The following THRB variants were observed in gnomAD, a reference collection of about 807,000 sequenced individuals.
THRB encodes nuclear receptor subfamily 1 group A member 2.
A neutral mutation model predicts 47.8 loss-of-function variants in THRB; 12 were observed. The observed-to-expected ratio is 0.25, with a 90% confidence interval of 0.16 to 0.41. The LOEUF (loss-of-function observed/expected upper bound fraction) is 0.41, where lower values mean the gene tolerates loss of function less well. THRB is among the 10% of genes least tolerant of loss of function. THRB has a pLI of 1.00. For missense variants in THRB, 348 were observed against 589.2 expected (o/e 0.59, Z 4.24); for synonymous variants, 218 against 212.2 (o/e 1.03, Z -0.24).
chr3:24,417,774 T>C (rs1484175424), intron 1 of THRB, among the ~76,000 whole-genome samples: 2 of 151,938 alleles, frequency 1.3e-5, no homozygotes, highest in African/African-American at 4.8e-5. Context: ...GCCAGCACTT[T>C]ATATTTGTTT....
intron 1 of THRB, among the ~76,000 whole-genome samples, chr3:24,474,983 C>A (rs1263702012): frequency 6.6e-6 from 1 of 152,206 alleles, no homozygotes; most frequent in African/African-American, 2.4e-5. Context: ...TTACGTGTAT[C>A]ATAAATCACA....
At chr3:24,139,285 T>G (rs866090210) in intron 8 of THRB, among the ~76,000 whole-genome samples, 21 of 152,218 alleles carry the variant, frequency 1.4e-4, no homozygotes, top group Admixed American at 2.6e-4. Flanking sequence ...AGTTCCTCAT[T>G]TGCCAAAGAC....
intron 1 of THRB, among the ~76,000 whole-genome samples, chr3:24,368,741 G>A (rs1444955729): frequency 2.0e-5 from 3 of 152,100 alleles, no homozygotes; most frequent in African/African-American, 7.2e-5. Context: ...GCAATAGCCA[G>A]AAAGAATAGG....
intron 2 of THRB, among the ~76,000 whole-genome samples, chr3:24,326,078 C>A (rs2058786201): frequency 6.6e-6 from 1 of 152,304 alleles, no homozygotes; most frequent in Non-Finnish European, 1.5e-5. Flanking sequence ...CCACCATCAT[C>A]TTTTGCTCTT....
At chr3:24,236,149 A>T (rs2048850496) in intron 3 of THRB, among the ~76,000 whole-genome samples, 1 of 151,584 alleles carries the variant, frequency 6.6e-6, no homozygotes, top group Non-Finnish European at 1.5e-5. Flanking sequence ...CCCTCATAGG[A>T]GGAGAGGGAG....
intron 4 of THRB, among the ~76,000 whole-genome samples, chr3:24,208,342 AAAC>A (rs1175775413): frequency 1.3e-5 from 2 of 152,342 alleles, no homozygotes; most frequent in Non-Finnish European, 2.9e-5. Flanking sequence ...GAATTGGAAA[AAAC>A]TACTTTAAAG....
intron 1 of THRB, among the ~76,000 whole-genome samples, chr3:24,338,537 C>T (rs1360963505): frequency 6.6e-6 from 1 of 152,188 alleles, no homozygotes; most frequent in Non-Finnish European, 1.5e-5. Flanking sequence ...TAAATACATA[C>T]TCAGTTGTTG....
chr3:24,385,414 C>T (rs1409786131), intron 1 of THRB, among the ~76,000 whole-genome samples: 1 of 138,588 alleles, frequency 7.2e-6, no homozygotes, highest in African/African-American at 2.6e-5. Context: ...CACACACATA[C>T]ACACACACAC....
chr3:24,189,978 A>G, intron 5 of THRB, 96 bp downstream of exon 5: 2 of 1,241,060 alleles, frequency 1.6e-6, no homozygotes, highest in Non-Finnish European at 1.2e-6. Context: ...GACACCATAC[A>G]TTGGAAGAGA....
chr3:24,406,482 G>C (rs1197445840), intron 1 of THRB, among the ~76,000 whole-genome samples: 1 of 151,622 alleles, frequency 6.6e-6, no homozygotes, highest in Non-Finnish European at 1.5e-5. Context: ...ATCCGCTCTT[G>C]TGGTCATGGT....
In THRB at chr3:24,272,347, A is replaced by AAACAACAACAACAACAACAAC. The variant is rs35975177; in HGVS notation, c.-43+24858_-43+24878dup. 3.7e-3 allele frequency among the ~76,000 whole-genome samples: 560 copies of AAACAACAACAACAACAACAAC among 149,866 alleles called. 7 individuals carry two copies. Among genetic ancestry groups the AAACAACAACAACAACAACAAC allele is most frequent in the African/African-American group, 0.013 (522 of 40,682 alleles). ...GGTGACAGAGTAAGACTCTCTCTCAAAACAACAACAACAACAACAACAACA... is the reference window on the plus strand; with the variant it reads ...GGTGACAGAGTAAGACTCTCTCTCAAAACAACAACAACAACAACAACAACAACAACAACAACAACAACAACA... On this transcript the variant is annotated intron_variant, in intron 3 of 10. Coordinates refer to ENST00000646209, the MANE Select transcript of THRB (RefSeq NM_001354712.2).
chr3:24,134,140 T>C (rs1229928213), intron 8 of THRB, among the ~76,000 whole-genome samples: 3 of 152,196 alleles, frequency 2.0e-5, no homozygotes, highest in African/African-American at 7.2e-5. Context: ...ATCCATGGCC[T>C]TGTTGCTCAA....
chr3:24,139,579 T>TC (rs1218735034), intron 8 of THRB, among the ~76,000 whole-genome samples: 6 of 151,902 alleles, frequency 3.9e-5, no homozygotes, highest in African/African-American at 1.5e-4. Context: ...AGAGATGGAG[T>TC]CTCGCTATGT....
intron 1 of THRB, among the ~76,000 whole-genome samples, chr3:24,403,659 G>A (rs2067602352): frequency 6.6e-6 from 1 of 151,918 alleles, no homozygotes; most frequent in Admixed American, 6.6e-5. Flanking sequence ...AACAAAATAA[G>A]CCAGTTCCAC....
At chr3:24,256,788 G>A (rs532092248) in intron 3 of THRB, among the ~76,000 whole-genome samples, 25 of 152,294 alleles carry the variant, frequency 1.6e-4, no homozygotes, top group Admixed American at 8.5e-4. Context: ...TTTGATGAGA[G>A]CAAGGGAGGA....
Position 24,134,276 on chromosome 3 carries a change from G to T in THRB, c.739-814C>A, listed in dbSNP as rs1296306342. Among the ~76,000 whole-genome samples, 3 of 152,106 alleles carry T rather than the reference G, an allele frequency of 2.0e-5. No homozygotes were observed. In the East Asian group the frequency reaches 5.8e-4, roughly 29 times the overall value. On this transcript the variant is annotated intron_variant, in intron 8 of 10. Transcript: ENST00000646209. Reference sequence around the variant, plus strand: ...ACTTATATGCTTCCCAACGTCCACAGTAGCCATCTGACTCCTGAGTTTCTC... The same window carrying T: ...ACTTATATGCTTCCCAACGTCCACATTAGCCATCTGACTCCTGAGTTTCTC...
intron 2 of THRB, among the ~76,000 whole-genome samples, chr3:24,301,620 C>T (rs951429504): frequency 6.6e-6 from 1 of 152,140 alleles, no homozygotes; most frequent in African/African-American, 2.4e-5. Flanking sequence ...ATAAACATTT[C>T]CCTGACACTT....
chr3:24,291,643 A>G (rs1258105289), intron 3 of THRB, among the ~76,000 whole-genome samples: 1 of 152,310 alleles, frequency 6.6e-6, no homozygotes, highest in South Asian at 2.1e-4. Context: ...AGGTTTATAC[A>G]TGTTTAGTAT....
At chr3:24,195,291 G>C (rs1391540144) in intron 4 of THRB, among the ~76,000 whole-genome samples, 2 of 152,118 alleles carry the variant, frequency 1.3e-5, no homozygotes, top group Admixed American at 6.5e-5. Flanking sequence ...AACTGACAAG[G>C]AACCTAAAAT....
Sources: allele counts gnomAD v4.1 joint callset (sites outside exome capture counted in the v4.1 genomes callset), GRCh38; gene constraint gnomAD v4.1.1; transcripts MANE v1.5; gene names NCBI Gene and HGNC (gene_info 2026-07-23, HGNC 2026-07-21).